Variants in STK33 observed in about 807,000 individuals in gnomAD.
STK33 encodes serine/threonine-protein kinase 33.
A neutral mutation model predicts 58.0 loss-of-function variants in STK33; 52 were observed. The ratio of observed to expected loss-of-function variants is 0.90; its 90% CI spans 0.72 to 1.13. The LOEUF is 1.13. Among genes scored for constraint, STK33 ranks in the 50% most tolerant of loss-of-function variants. The probability of loss-of-function intolerance (pLI) is 0.00; values close to 1 mark genes in which losing one functional copy is unlikely to be tolerated. For synonymous variants in STK33, 215 were observed against 200.1 expected, an observed-to-expected ratio of 1.07 and a Z score of -0.63; for missense variants, 630 against 604.2, an observed-to-expected ratio of 1.04 and a Z score of -0.45.
chr11:8,434,622 A>AGCT (rs1943838641), intron 14 of STK33, among the ~76,000 whole-genome samples: 1 of 1,916 alleles, frequency 5.2e-4, no homozygotes, highest in African/African-American at 7.1e-4. Flanking sequence ...CAGCTCTGTG[A>AGCT]GCTATTATGG....
chr11:8,400,464 G>A (rs1320174994), intron 15 of STK33, among the ~76,000 whole-genome samples: 7 of 151,940 alleles, frequency 4.6e-5, no homozygotes, highest in African/African-American at 7.3e-5. Context: ...TTGATGGGAC[G>A]TATCTCAAAA....
At chr11:8,448,606 T>G (rs1188312973) in intron 11 of STK33, among the ~76,000 whole-genome samples, 1 of 152,176 alleles carries the variant, frequency 6.6e-6, no homozygotes, top group African/African-American at 2.4e-5. Context: ...CTGGATCCCT[T>G]CCTTACACCT....
In STK33 at chr11:8,475,043, T is replaced by G; in HGVS notation, c.-138A>C. The G allele has an allele frequency of 1.5e-6, 1 of 651,504 alleles. No homozygotes were observed. The highest frequency in any genetic ancestry group is 2.5e-6 in the Non-Finnish European group (1 of 394,876). 40.4% of individuals were successfully genotyped at this position (651,504 alleles called of 1,614,324 possible). A position where few individuals can be genotyped will look rare whatever the true frequency, so the allele number is the denominator to read the frequency against. ...TGAAGTCCTCAGGTTAAGGATGCAC[T>G]AGACACATATTCACACGTGAGAGCT... On this transcript the variant is annotated 5_prime_UTR_variant, in exon 5 of 16. Coordinates refer to ENST00000687296, the MANE Select transcript of STK33 (RefSeq NM_001352389.2).
chr11:8,365,186 G>T, the STK33 span, among the ~76,000 whole-genome samples: 1 of 152,212 alleles, frequency 6.6e-6, no homozygotes, highest in African/African-American at 2.4e-5. Context: ...GCCCTCCACA[G>T]GCCTCACTGC....
the STK33 span, among the ~76,000 whole-genome samples, chr11:8,357,249 C>T: frequency 2.9e-4 from 44 of 152,360 alleles, no homozygotes; most frequent in Non-Finnish European, 4.6e-4. Flanking sequence ...GCGCGCGGCG[C>T]GATTACACAT....
the STK33 span, among the ~76,000 whole-genome samples, chr11:8,349,165 T>C: frequency 1.3e-5 from 2 of 152,216 alleles, no homozygotes; most frequent in African/African-American, 4.8e-5. Context: ...TTGGTTGACT[T>C]TGCCAAGACT....
At chr11:8,404,394 C>T (rs1051490691) in intron 15 of STK33, among the ~76,000 whole-genome samples, 1 of 152,124 alleles carries the variant, frequency 6.6e-6, no homozygotes, top group Non-Finnish European at 1.5e-5. Context: ...GGAAATAGAA[C>T]AATTACCAAG....
chr11:8,461,449 T>C (rs564721425), intron 8 of STK33, among the ~76,000 whole-genome samples: 1 of 152,256 alleles, frequency 6.6e-6, no homozygotes, highest in East Asian at 1.9e-4. Context: ...CTTTGCAAAA[T>C]TATGAAAATA....
intron 1 of STK33, among the ~76,000 whole-genome samples, chr11:8,524,421 GT>G (rs1953850896): frequency 6.6e-6 from 1 of 152,106 alleles, no homozygotes. Context: ...TAACAAGTCA[GT>G]AGAAAAAATA....
chr11:8,527,497 T>C (rs1161021228), intron 1 of STK33, among the ~76,000 whole-genome samples: 2 of 152,082 alleles, frequency 1.3e-5, no homozygotes, highest in African/African-American at 2.4e-5. Context: ...TTTAACAGTA[T>C]CCCAAGGTAT....
At chr11:8,466,381 G>C (rs1948182907) in intron 6 of STK33, 1 of 152,162 alleles carries the variant, frequency 6.6e-6, no homozygotes, top group Admixed American at 6.5e-5. Context: ...ATTACAAATG[G>C]GAGAAATTGG....
In STK33 at chr11:8,549,444, T is replaced by A. The variant is rs539438563; in HGVS notation, c.-466+44639A>T. Among the ~76,000 whole-genome samples, 11 of 152,192 alleles carry A rather than the reference T, an allele frequency of 7.2e-5. 1 individual carries two copies. The South Asian group carries it at 2.3e-3, about 32-fold the overall frequency. Reference sequence around the variant, plus strand: ...TGGCCTGTAGTTTTCTGTTTTTGTTTTTTTTTTCTTTTTTGTTATGGCTTT... The same window carrying A: ...TGGCCTGTAGTTTTCTGTTTTTGTTATTTTTTTCTTTTTTGTTATGGCTTT... On this transcript the variant is annotated intron_variant, in intron 1 of 15. Transcript: ENST00000687296.
At chr11:8,360,607 G>A in the STK33 span, among the ~76,000 whole-genome samples, 1 of 152,264 alleles carries the variant, frequency 6.6e-6, no homozygotes, top group African/African-American at 2.4e-5. Context: ...GTCAGCTGTT[G>A]CATTCTCATC....
the STK33 span, among the ~76,000 whole-genome samples, chr11:8,381,394 C>G: frequency 6.6e-6 from 1 of 152,182 alleles, no homozygotes; most frequent in African/African-American, 2.4e-5. Context: ...CCCTTCCCCA[C>G]TCCATTGTGG....
intron 1 of STK33, among the ~76,000 whole-genome samples, chr11:8,523,123 G>A (rs1361857953): frequency 1.3e-5 from 2 of 152,226 alleles, no homozygotes; most frequent in Non-Finnish European, 2.9e-5. Context: ...GAGGGCAGTG[G>A]CGTGATCTCG....
At chr11:8,428,545 A>C (rs1943044286) in intron 14 of STK33, among the ~76,000 whole-genome samples, 1 of 152,202 alleles carries the variant, frequency 6.6e-6, no homozygotes, top group Admixed American at 6.5e-5. Flanking sequence ...GGCAGGAACC[A>C]GAGTCTCCTC....
At chr11:8,358,559 G>A in the STK33 span, among the ~76,000 whole-genome samples, 11 of 152,154 alleles carry the variant, frequency 7.2e-5, no homozygotes, top group African/African-American at 2.7e-4. Flanking sequence ...GCGCCTGGAG[G>A]GTGAAGAGAT....
chr11:8,585,715 G>A (rs1394098433), intron 1 of STK33, among the ~76,000 whole-genome samples: 2 of 151,492 alleles, frequency 1.3e-5, no homozygotes, highest in African/African-American at 4.8e-5. Context: ...TTCAAGACCA[G>A]CCTCAGCAAC....
At chr11:8,442,457 C>T (rs924664534) in intron 11 of STK33, among the ~76,000 whole-genome samples, 29 of 152,138 alleles carry the variant, frequency 1.9e-4, no homozygotes, top group Admixed American at 1.0e-3. Context: ...AGGGGCATTT[C>T]GATTTGCACT....
Sources: gnomAD v4.1 joint callset for allele counts (sites outside exome capture counted in the v4.1 genomes callset) on GRCh38, gnomAD v4.1.1 for gene constraint, MANE v1.5 for transcripts, NCBI Gene and HGNC (gene_info 2026-07-23, HGNC 2026-07-21) for gene names.